SCHIP1: variants seen among roughly 807,000 people sequenced by gnomAD.
SCHIP1 encodes schwannomin-interacting protein 1.
In SCHIP1, 8 loss-of-function variants were observed where a neutral mutation model predicts 29.7. That is an observed-to-expected ratio of 0.27 (90% CI 0.16 to 0.49). The LOEUF is 0.49. SCHIP1 is among the 20% of genes least tolerant of loss of function. The probability of loss-of-function intolerance (pLI) is 0.99; values close to 1 mark genes in which losing one functional copy is unlikely to be tolerated. For missense variants in SCHIP1, 193 were observed against 294.6 expected (o/e 0.66, Z 2.52); for synonymous variants, 76 against 94.9 (o/e 0.80, Z 1.16).
chr3:159,717,716 T>G, the SCHIP1 span, among the ~76,000 whole-genome samples: 2 of 152,088 alleles, frequency 1.3e-5, no homozygotes, highest in African/African-American at 4.8e-5. Context: ...AATAACAGGC[T>G]CTGAAATTGA....
At chr3:159,504,065 A>C in the SCHIP1 span, among the ~76,000 whole-genome samples, 1 of 152,196 alleles carries the variant, frequency 6.6e-6, no homozygotes, top group Non-Finnish European at 1.5e-5. Flanking sequence ...AAAAATGACT[A>C]TTCAGATCTG....
intron 2 of SCHIP1, among the ~76,000 whole-genome samples, chr3:159,867,970 G>GAGATTTATATATATATATATAAATCAA (rs1714801383): frequency 7.0e-6 from 1 of 143,852 alleles, no homozygotes; most frequent in East Asian, 2.1e-4. Flanking sequence ...TTGAAAATCA[G>GAGATTTATATATATATATATAAATCAA]TGATTTATAT....
At chr3:159,642,005 A>G in the SCHIP1 span, among the ~76,000 whole-genome samples, 3 of 152,138 alleles carry the variant, frequency 2.0e-5, no homozygotes, top group African/African-American at 7.2e-5. Flanking sequence ...GAAAATGTGG[A>G]GGAGATTTAG....
chr3:159,425,264 A>G, the SCHIP1 span, among the ~76,000 whole-genome samples: 3 of 152,288 alleles, frequency 2.0e-5, 1 homozygote, highest in African/African-American at 7.2e-5. Context: ...ATAAAGAGTC[A>G]AGACCCATCA....
chr3:159,416,612 C>T, the SCHIP1 span, among the ~76,000 whole-genome samples: 1 of 152,136 alleles, frequency 6.6e-6, no homozygotes, highest in African/African-American at 2.4e-5. Context: ...TGGATTTTTT[C>T]CACTTTCTAA....
the SCHIP1 span, among the ~76,000 whole-genome samples, chr3:159,442,724 G>A: frequency 6.6e-6 from 1 of 152,186 alleles, no homozygotes; most frequent in East Asian, 1.9e-4. Context: ...GGGAGAGGCA[G>A]TGGCCTTGCT....
At chr3:159,731,796 A>G in the SCHIP1 span, among the ~76,000 whole-genome samples, 1 of 152,210 alleles carries the variant, frequency 6.6e-6, no homozygotes, top group African/African-American at 2.4e-5. Flanking sequence ...TTGTAAGAGA[A>G]TAAGTCCCAC....
intron 1 of SCHIP1, among the ~76,000 whole-genome samples, chr3:159,842,997 CTTTCTTTTTTTTTTTTTTT>C (rs1337376751): frequency 1.6e-5 from 1 of 61,742 alleles, no homozygotes; most frequent in East Asian, 4.1e-4. Context: ...CCCAATATTT[CTTTCTTTTTTTTTTTTTTT>C]TTTTTTTTTT....
At chr3:159,696,370 G>A in the SCHIP1 span, among the ~76,000 whole-genome samples, 4 of 152,082 alleles carry the variant, frequency 2.6e-5, no homozygotes, top group Non-Finnish European at 5.9e-5. Context: ...GAATAGTGAA[G>A]TTAACTCTTA....
At chr3:159,475,014 A>G in the SCHIP1 span, among the ~76,000 whole-genome samples, 1 of 152,156 alleles carries the variant, frequency 6.6e-6, no homozygotes, top group African/African-American at 2.4e-5. Flanking sequence ...AAATGATGCC[A>G]TTGCTGTGGC....
intron 5 of SCHIP1, 69 bp downstream of exon 6, chr3:159,889,012 G>A: frequency 1.3e-6 from 2 of 1,515,994 alleles, no homozygotes; most frequent in Non-Finnish European, 1.8e-6. Flanking sequence ...CTGCTTCCTT[G>A]GTCCAACTTT....
intron 1 of SCHIP1, among the ~76,000 whole-genome samples, chr3:159,847,249 C>T (rs1711968101): frequency 6.6e-6 from 1 of 152,132 alleles, no homozygotes; most frequent in South Asian, 2.1e-4. Flanking sequence ...CATGCACATA[C>T]ATAACGCACA....
At chr3:159,626,184 A>C in the SCHIP1 span, among the ~76,000 whole-genome samples, 68 of 111,472 alleles carry the variant, frequency 6.1e-4, no homozygotes, top group East Asian at 2.1e-3. Context: ...ATCTATCTAG[A>C]TAGATAGATA....
At chr3:159,712,609 G>T in the SCHIP1 span, among the ~76,000 whole-genome samples, 1 of 151,986 alleles carries the variant, frequency 6.6e-6, no homozygotes, top group Admixed American at 6.6e-5. Flanking sequence ...CCAGCTATTT[G>T]GGAGGCTGAG....
the SCHIP1 span, among the ~76,000 whole-genome samples, chr3:159,828,409 G>A: frequency 2.6e-3 from 83 of 31,826 alleles, 2 homozygotes; most frequent in Middle Eastern, 0.028. Flanking sequence ...ATATATATAC[G>A]TATATATACG....
At chr3:159,584,780 C>T in the SCHIP1 span, among the ~76,000 whole-genome samples, 1 of 152,086 alleles carries the variant, frequency 6.6e-6, no homozygotes, top group Admixed American at 6.6e-5. Flanking sequence ...AGCCCTGATG[C>T]ATGCTGAAGT....
the SCHIP1 span, among the ~76,000 whole-genome samples, chr3:159,618,566 C>CAAT: frequency 1.3e-5 from 2 of 152,196 alleles, no homozygotes; most frequent in African/African-American, 4.8e-5. Context: ...GATGAAGAGA[C>CAAT]TATTAAGTAT....
the SCHIP1 span, among the ~76,000 whole-genome samples, chr3:159,753,338 G>A: frequency 7.2e-5 from 11 of 151,914 alleles, no homozygotes; most frequent in Non-Finnish European, 1.5e-4. Flanking sequence ...GATATAGAAC[G>A]TCCAAAAAGG....
the SCHIP1 span, among the ~76,000 whole-genome samples, chr3:159,537,866 T>G: frequency 6.6e-6 from 1 of 152,018 alleles, no homozygotes. Context: ...TTATAAACAG[T>G]AGAAAAAAAT....
Sources: gnomAD v4.1 joint callset for allele counts (sites outside exome capture counted in the v4.1 genomes callset) on GRCh38, gnomAD v4.1.1 for gene constraint, MANE v1.5 for transcripts, NCBI Gene and HGNC (gene_info 2026-07-23, HGNC 2026-07-21) for gene names.